MEIS2: variants seen among roughly 807,000 people sequenced by gnomAD.
MEIS2 encodes the protein homeobox protein Meis2.
In MEIS2, 9 loss-of-function variants were observed where a neutral mutation model predicts 58.6. That is an observed-to-expected ratio of 0.15 (90% CI 0.09 to 0.27). The LOEUF (loss-of-function observed/expected upper bound fraction) is 0.27, where lower values mean the gene tolerates loss of function less well. MEIS2 is among the 10% of genes least tolerant of loss of function. The pLI, the probability that MEIS2 is intolerant of heterozygous loss-of-function variation, is 1.00. For synonymous variants in MEIS2, 221 were observed against 228.4 expected (o/e 0.97, Z 0.29); for missense variants, 427 against 635.0 (o/e 0.67, Z 3.52).
chr15:36,923,379 A>T (rs1802496066), intron 9 of MEIS2, among the ~76,000 whole-genome samples: 1 of 152,018 alleles, frequency 6.6e-6, no homozygotes, highest in South Asian at 2.1e-4. Context: ...TCTGCTAGGA[A>T]AACATGGCTT....
chr15:36,894,342 T>C (rs1234308577), intron 11 of MEIS2: 1 of 163,640 alleles, frequency 6.1e-6, no homozygotes, highest in African/African-American at 2.4e-5. Context: ...ACTTTTCCTT[T>C]TTTTTTTTAT....
chr15:37,024,824 G>A (rs2061645756), intron 8 of MEIS2, among the ~76,000 whole-genome samples: 1 of 152,172 alleles, frequency 6.6e-6, no homozygotes, highest in Admixed American at 6.5e-5. Flanking sequence ...GCATGCTGAT[G>A]GACAGTTAAT....
intron 9 of MEIS2, among the ~76,000 whole-genome samples, chr15:36,934,001 A>ATTAGG (rs2058073996): frequency 6.6e-6 from 1 of 152,228 alleles, no homozygotes; most frequent in Admixed American, 6.5e-5. Flanking sequence ...AATATTTGTC[A>ATTAGG]GCTATGCATA....
chr15:36,897,503 T>C (rs1333945456), intron 9 of MEIS2: 4 of 152,254 alleles, frequency 2.6e-5, no homozygotes, highest in African/African-American at 4.8e-5. Context: ...AATCCAAAAA[T>C]AAGTGCCTAC....
chr15:36,954,030 T>G (rs1289976680), intron 8 of MEIS2, among the ~76,000 whole-genome samples: 1 of 152,162 alleles, frequency 6.6e-6, no homozygotes, highest in Non-Finnish European at 1.5e-5. Flanking sequence ...TTAAAAGAAT[T>G]TATATTGATG....
intron 9 of MEIS2, among the ~76,000 whole-genome samples, chr15:36,923,167 C>T (rs993251227): frequency 6.6e-6 from 1 of 152,230 alleles, no homozygotes; most frequent in Non-Finnish European, 1.5e-5. Flanking sequence ...CTGGAGGGCA[C>T]AAAAGGTACT....
In MEIS2 at chr15:36,895,255, A is replaced by G. The variant is rs1327678536; in HGVS notation, c.1043T>C (p.Leu348Pro). 10 of 1,613,844 alleles carry G rather than the reference A, an allele frequency of 6.2e-6. No homozygotes were observed. Among genetic ancestry groups the G allele is most frequent in the Non-Finnish European group, 8.5e-6 (10 of 1,179,922 alleles). The change falls in exon 11 of 12, where the codon CTT becomes CCT. Residue 348 changes from leucine (L) to proline (P), a missense_variant. Physicochemically the swap from Leu to Pro is moderately conservative, Grantham distance 98. Coordinates refer to ENST00000561208, the MANE Select transcript of MEIS2 (RefSeq NM_170675.5). ...MIDQSNRAGFLLDPSVSQGAA... is the reference protein window; with the variant it reads ...MIDQSNRAGFPLDPSVSQGAA... The stretch of plus-strand genomic sequence containing the variant: ...TCCTTGGCTCACTGAAGGATCAAGA[A>G]GAAAACCTGATTGTGGTCATTCGAG...
intron 8 of MEIS2, among the ~76,000 whole-genome samples, chr15:37,004,498 C>T (rs1245829774): frequency 6.6e-6 from 1 of 152,216 alleles, no homozygotes; most frequent in Non-Finnish European, 1.5e-5. Context: ...GTCATAGACT[C>T]ACAGAATAAT....
Position 36,971,106 on chromosome 15 carries a change from G to A in MEIS2, c.901-20706C>T, listed in dbSNP as rs186825891. Among the ~76,000 whole-genome samples, 5 of 152,010 alleles carry A rather than the reference G, an allele frequency of 3.3e-5. No individual in the cohort carries two copies. In the East Asian group the frequency reaches 7.7e-4, roughly 24 times the overall value. ...AAAATTGCTGTGGTGGTGGGCTTGG[G>A]GGGGTGGGGGATGTAAAGTCGATTT... On this transcript the variant is annotated intron_variant, in intron 8 of 11. Coordinates refer to ENST00000561208, the MANE Select transcript of MEIS2 (RefSeq NM_170675.5).
intron 8 of MEIS2, among the ~76,000 whole-genome samples, chr15:37,006,993 TG>T (rs1242507877): frequency 1.3e-5 from 2 of 152,220 alleles, no homozygotes; most frequent in African/African-American, 4.8e-5. Flanking sequence ...TTTTACTAGC[TG>T]AGTAAGTCTA....
At chr15:37,071,316 C>T (rs1460515173) in intron 7 of MEIS2, among the ~76,000 whole-genome samples, 3 of 151,972 alleles carry the variant, frequency 2.0e-5, no homozygotes, top group Non-Finnish European at 4.4e-5. Flanking sequence ...CTCGTGTGTC[C>T]GAAATGTGTA....
chr15:37,056,324 T>C (rs1428645326), intron 7 of MEIS2, among the ~76,000 whole-genome samples: 1 of 152,326 alleles, frequency 6.6e-6, no homozygotes, highest in East Asian at 1.9e-4. Context: ...GGTGTTAAAA[T>C]GGGTGTGCCT....
At chr15:37,021,073 T>C (rs2061510509) in intron 8 of MEIS2, among the ~76,000 whole-genome samples, 1 of 152,186 alleles carries the variant, frequency 6.6e-6, no homozygotes, top group Non-Finnish European at 1.5e-5. Flanking sequence ...TCTTGGACTT[T>C]CCAGCCTCCA....
At chr15:36,949,168 T>C (rs1160025333) in intron 9 of MEIS2, among the ~76,000 whole-genome samples, 3 of 150,498 alleles carry the variant, frequency 2.0e-5, no homozygotes, top group African/African-American at 7.4e-5. Context: ...CGGCAGTTCC[T>C]GTGGCCAATT....
chr15:37,081,110 CT>C lies in MEIS2; in HGVS notation c.754+2660del, dbSNP rs1274547557. Among the ~76,000 whole-genome samples the C allele has an allele frequency of 2.0e-5, 3 of 152,084 alleles. No individual in the cohort carries two copies. In the East Asian group the frequency reaches 5.8e-4, roughly 29 times the overall value. ...ACATGTATTGTTTTATAGCATGTGG[CT>C]ATTAAAGTTTAATTTAAAATGTGTA... On this transcript the variant is annotated intron_variant, in intron 7 of 11. Coordinates refer to ENST00000561208, the MANE Select transcript of MEIS2 (RefSeq NM_170675.5).
intron 9 of MEIS2, 59 bp downstream of exon 9, chr15:36,950,265 A>G: frequency 2.2e-6 from 3 of 1,376,434 alleles, no homozygotes; most frequent in Non-Finnish European, 3.0e-6. Context: ...AGAGAAAACC[A>G]TTATTTAGAA....
At position 37,025,658 on chromosome 15, in the gene MEIS2, T is replaced by C. The variant is rs568259058; in HGVS notation, c.900+11156A>G. On this transcript the variant is annotated intron_variant, in intron 8 of 11. Transcript: ENST00000561208. The stretch of plus-strand genomic sequence containing the variant: ...TAACTGATTATATATACATTTTAAA[T>C]AAGCATGGGGGTATTTGGAATAGCC... 8.0e-5 allele frequency among the ~76,000 whole-genome samples: 12 copies of C among 149,818 alleles called. No individual in the cohort carries two copies. In the East Asian group the frequency reaches 2.0e-3, roughly 25 times the overall value.
rs557685533 is a variant in MEIS2, at chr15:37,044,536, G to A, written c.755-7577C>T. 1.3e-4 allele frequency among the ~76,000 whole-genome samples: 20 copies of A among 152,202 alleles called. No homozygotes were observed. In the South Asian group the frequency reaches 3.1e-3, roughly 24 times the overall value. On this transcript the variant is annotated intron_variant, in intron 7 of 11. Coordinates refer to ENST00000561208, the MANE Select transcript of MEIS2 (RefSeq NM_170675.5). ...ATTTTAAAGACTTTTCTGAGCCAAG[G>A]GATCTTTCAAGATTCCATACCTTTA... is the stretch of plus-strand genomic sequence containing the variant.
intron 7 of MEIS2, among the ~76,000 whole-genome samples, chr15:37,047,345 A>G (rs1251037375): frequency 2.0e-5 from 3 of 152,156 alleles, no homozygotes; most frequent in African/African-American, 7.2e-5. Flanking sequence ...CAGCTAACAG[A>G]GTTCACAATC....
Sources: allele counts gnomAD v4.1 joint callset (sites outside exome capture counted in the v4.1 genomes callset), GRCh38; gene constraint gnomAD v4.1.1; transcripts MANE v1.5; gene names NCBI Gene and HGNC (gene_info 2026-07-23, HGNC 2026-07-21).